Variants in CADM2 observed in about 807,000 individuals in gnomAD.
CADM2 encodes the protein immunoglobulin superfamily member 4D.
In CADM2, 12 loss-of-function variants were observed where a neutral mutation model predicts 49.8. That is an observed-to-expected ratio of 0.24 (90% CI 0.15 to 0.39). CADM2 has a LOEUF of 0.39. Among genes scored for constraint, CADM2 ranks in the 10% least tolerant of loss-of-function variants. The pLI is 1.00. For missense variants in CADM2, 378 were observed against 492.3 expected, an observed-to-expected ratio of 0.77 and a Z score of 2.20; for synonymous variants, 214 against 175.4, an observed-to-expected ratio of 1.22 and a Z score of -1.74.
chr3:85,910,044 GA>G (rs749791637), intron 5 of CADM2, among the ~76,000 whole-genome samples: 9 of 151,992 alleles, frequency 5.9e-5, no homozygotes, highest in Non-Finnish European at 1.3e-4. Flanking sequence ...TATTTTACTT[GA>G]ATTAGTTCAT....
At chr3:85,375,313 C>T (rs1425720976) in intron 1 of CADM2, among the ~76,000 whole-genome samples, 1 of 152,178 alleles carries the variant, frequency 6.6e-6, no homozygotes, top group Non-Finnish European at 1.5e-5. Flanking sequence ...TTTCTTTCCA[C>T]TGCACAATTT....
Position 84,992,426 on chromosome 3 carries a change from C to T in CADM2, c.61+32758C>T, listed in dbSNP as rs1310394447. On this transcript the variant is annotated intron_variant, in intron 1 of 9. Transcript: ENST00000383699. ...CGGGCGGATCACGAGGTCAAGAGAT[C>T]GTGACCATCCTGGCCAATGTGGTGA... 7.6e-5 allele frequency among the ~76,000 whole-genome samples: 7 copies of T among 91,970 alleles called. No homozygotes were observed. The South Asian group carries it at 1.6e-3, about 21-fold the overall frequency. 60.3% of individuals were successfully genotyped at this position (91,970 alleles called of 152,430 possible).
At chr3:85,185,272 A>G (rs548535536) in intron 1 of CADM2, among the ~76,000 whole-genome samples, 1 of 152,088 alleles carries the variant, frequency 6.6e-6, no homozygotes, top group Admixed American at 6.6e-5. Context: ...CAAATAACGA[A>G]TATTTATTTC....
chr3:85,209,420 G>A (rs1315538578), intron 1 of CADM2, among the ~76,000 whole-genome samples: 1 of 152,020 alleles, frequency 6.6e-6, no homozygotes. Context: ...GATTTCCCGA[G>A]ATCAGAAAGA....
At chr3:84,983,245 A>G (rs1306039755) in intron 1 of CADM2, among the ~76,000 whole-genome samples, 4 of 151,842 alleles carry the variant, frequency 2.6e-5, no homozygotes, top group Admixed American at 1.3e-4. Context: ...TCTGTTTCTT[A>G]TTTTTGCATG....
chr3:85,329,883 A>C (rs2044868146), intron 1 of CADM2, among the ~76,000 whole-genome samples: 1 of 152,068 alleles, frequency 6.6e-6, no homozygotes, highest in South Asian at 2.1e-4. Flanking sequence ...TTGAAAGAAA[A>C]ATAAGAAGCA....
At chr3:85,745,723 G>A (rs2068589718) in intron 2 of CADM2, among the ~76,000 whole-genome samples, 1 of 152,096 alleles carries the variant, frequency 6.6e-6, no homozygotes, top group African/African-American at 2.4e-5. Flanking sequence ...AAATTATTCA[G>A]GCATAGTGGT....
chr3:85,294,455 G>A (rs1395105247), intron 1 of CADM2, among the ~76,000 whole-genome samples: 1 of 151,624 alleles, frequency 6.6e-6, no homozygotes, highest in Non-Finnish European at 1.5e-5. Flanking sequence ...AGTTCATATG[G>A]AACCAAAAAA....
intron 3 of CADM2, among the ~76,000 whole-genome samples, chr3:85,880,633 T>G (rs1202227553): frequency 1.3e-5 from 2 of 152,218 alleles, no homozygotes; most frequent in East Asian, 3.9e-4. Context: ...CTGGCCTCCA[T>G]GACTTGAAAT....
chr3:85,885,577 G>A (rs1395989195), intron 4 of CADM2, among the ~76,000 whole-genome samples: 4 of 151,404 alleles, frequency 2.6e-5, no homozygotes, highest in Non-Finnish European at 5.9e-5. Context: ...AGCTACTCAG[G>A]AGGCTGAGGC....
At chr3:85,790,660 T>C (rs766255508) in intron 2 of CADM2, among the ~76,000 whole-genome samples, 1 of 152,156 alleles carries the variant, frequency 6.6e-6, no homozygotes, top group Non-Finnish European at 1.5e-5. Flanking sequence ...ATGGCCATAG[T>C]GAACGCTAGG....
chr3:85,738,647 T>A (rs2068248549), intron 2 of CADM2, among the ~76,000 whole-genome samples: 1 of 152,202 alleles, frequency 6.6e-6, no homozygotes, highest in South Asian at 2.1e-4. Context: ...ACCATATCTC[T>A]CTTTCTTTTT....
intron 1 of CADM2, among the ~76,000 whole-genome samples, chr3:85,223,702 C>G (rs1576156242): frequency 6.6e-6 from 1 of 151,986 alleles, no homozygotes; most frequent in African/African-American, 2.4e-5. Flanking sequence ...TTGCTACACC[C>G]ATCAACTCGT....
At chr3:85,522,963 GACC>G (rs1181907107) in intron 1 of CADM2, among the ~76,000 whole-genome samples, 1 of 145,290 alleles carries the variant, frequency 6.9e-6, no homozygotes, top group Non-Finnish European at 1.5e-5. Flanking sequence ...CAAGAAACAG[GACC>G]ACATTATTTG....
chr3:85,292,412 T>C (rs1266935396), intron 1 of CADM2, among the ~76,000 whole-genome samples: 2 of 150,958 alleles, frequency 1.3e-5, no homozygotes, highest in African/African-American at 4.9e-5. Context: ...TACCCAGGAA[T>C]TGAACTCAGC....
chr3:86,051,860 T>C (rs1033362578), intron 8 of CADM2, among the ~76,000 whole-genome samples: 8 of 152,244 alleles, frequency 5.3e-5, no homozygotes, highest in East Asian at 1.9e-4. Flanking sequence ...AGAGAAACCG[T>C]TCCCACAATC....
At chr3:85,430,485 T>A (rs1033576056) in intron 1 of CADM2, among the ~76,000 whole-genome samples, 2 of 151,836 alleles carry the variant, frequency 1.3e-5, no homozygotes, top group Non-Finnish European at 2.9e-5. Context: ...ACCACTGCAC[T>A]CCTGCCTGGG....
chr3:85,915,699 CGAA>C (rs1718203616), intron 6 of CADM2, among the ~76,000 whole-genome samples: 1 of 151,936 alleles, frequency 6.6e-6, no homozygotes, highest in South Asian at 2.1e-4. Context: ...GCCTTGGAAA[CGAA>C]GAAGATGGGT....
chr3:85,269,094 A>G (rs2043179802), intron 1 of CADM2, among the ~76,000 whole-genome samples: 1 of 151,582 alleles, frequency 6.6e-6, no homozygotes, highest in African/African-American at 2.4e-5. Flanking sequence ...GAAATTAAAA[A>G]GTAGAGAATA....
Sources: allele counts gnomAD v4.1 joint callset (sites outside exome capture counted in the v4.1 genomes callset), GRCh38; gene constraint gnomAD v4.1.1; transcripts MANE v1.5; gene names NCBI Gene and HGNC (gene_info 2026-07-23, HGNC 2026-07-21).